The following CALN1 variants were observed in gnomAD, a reference collection of about 807,000 sequenced individuals.
CALN1 encodes calcium-binding protein 8.
CALN1 carries 17 observed loss-of-function variants against 30.6 expected under a neutral mutation model. The ratio of observed to expected loss-of-function variants is 0.56; its 90% confidence interval spans 0.38 to 0.83. The LOEUF (loss-of-function observed/expected upper bound fraction) is 0.83, where lower values mean the gene tolerates loss of function less well. Ranked by LOEUF, CALN1 falls within the 40% of genes least tolerant of loss-of-function variation. CALN1 has a pLI of 0.00. For synonymous variants in CALN1, 156 were observed against 131.4 expected, an observed-to-expected ratio of 1.19 and a Z score of -1.28; for missense variants, 291 against 354.9, an observed-to-expected ratio of 0.82 and a Z score of 1.45.
At chr7:71,814,341 G>A (rs1788137426) in intron 5 of CALN1, among the ~76,000 whole-genome samples, 1 of 152,064 alleles carries the variant, frequency 6.6e-6, no homozygotes, top group South Asian at 2.1e-4. Flanking sequence ...TAGTTTTTAT[G>A]TTTCCATACC....
intron 6 of CALN1, among the ~76,000 whole-genome samples, chr7:71,794,744 C>A (rs973125294): frequency 6.6e-6 from 1 of 152,232 alleles, no homozygotes; most frequent in East Asian, 1.9e-4. Flanking sequence ...CAGCACGAGG[C>A]TGAGACTAAC....
chr7:72,261,322 A>G (rs1562808158), intron 3 of CALN1, among the ~76,000 whole-genome samples: 1 of 152,074 alleles, frequency 6.6e-6, no homozygotes, highest in Non-Finnish European at 1.5e-5. Context: ...AAACAAAAAC[A>G]AGAACAAAAA....
At chr7:71,844,623 A>G (rs1386786242) in intron 5 of CALN1, among the ~76,000 whole-genome samples, 2 of 152,196 alleles carry the variant, frequency 1.3e-5, no homozygotes, top group African/African-American at 2.4e-5. Context: ...ATGGAAAGGA[A>G]TTAATATTAA....
At chr7:72,367,574 A>G (rs1803948846) in intron 2 of CALN1, among the ~76,000 whole-genome samples, 1 of 151,102 alleles carries the variant, frequency 6.6e-6, no homozygotes, top group South Asian at 2.1e-4. Context: ...ACAGAAGCCT[A>G]TGATTGCACT....
At chr7:72,340,373 G>A (rs1012117568) in intron 2 of CALN1, among the ~76,000 whole-genome samples, 10 of 151,816 alleles carry the variant, frequency 6.6e-5, no homozygotes, top group Admixed American at 2.6e-4. Context: ...GCCCATGTGG[G>A]CCTCTGCTCC....
upstream of CALN1, among the ~76,000 whole-genome samples, chr7:72,412,954 C>T (rs1807272496): frequency 6.6e-6 from 1 of 152,194 alleles, no homozygotes; most frequent in Non-Finnish European, 1.5e-5. Context: ...GGCAGCTGGT[C>T]TAGCTCCGAG....
chr7:72,424,769 T>C (rs1426214115), intron 1 of CALN1, among the ~76,000 whole-genome samples: 2 of 152,048 alleles, frequency 1.3e-5, no homozygotes, highest in Non-Finnish European at 2.9e-5. Flanking sequence ...TATAATTTTT[T>C]TATTTTTTGT....
intron 5 of CALN1, among the ~76,000 whole-genome samples, chr7:71,985,035 C>A: frequency 6.6e-6 from 1 of 152,056 alleles, no homozygotes; most frequent in South Asian, 2.1e-4. Flanking sequence ...CTTGCTACTG[C>A]CCAGGAGCAC....
At chr7:71,798,467 C>T (rs1229896739) in intron 6 of CALN1, among the ~76,000 whole-genome samples, 1 of 151,970 alleles carries the variant, frequency 6.6e-6, no homozygotes, top group East Asian at 1.9e-4. Context: ...CCATGCTTGG[C>T]TAATTTTTTA....
chr7:72,331,993 C>A (rs1043616299), intron 2 of CALN1, among the ~76,000 whole-genome samples: 1 of 152,166 alleles, frequency 6.6e-6, no homozygotes, highest in Non-Finnish European at 1.5e-5. Flanking sequence ...GGATAATGGC[C>A]TCCAGCTCCA....
the CALN1 span, among the ~76,000 whole-genome samples, chr7:72,491,270 C>T: frequency 1.3e-5 from 2 of 150,962 alleles, no homozygotes; most frequent in South Asian, 2.1e-4. Flanking sequence ...CAAAATGATG[C>T]TCAAAAATTG....
At chr7:72,085,455 C>T (rs184668595) in intron 4 of CALN1, among the ~76,000 whole-genome samples, 4 of 151,846 alleles carry the variant, frequency 2.6e-5, no homozygotes, top group Non-Finnish European at 4.4e-5. Flanking sequence ...TCTCTTACTG[C>T]ACCTGATCTA....
chr7:72,439,015 T>A (rs1216397208), intron 1 of CALN1, among the ~76,000 whole-genome samples: 1 of 152,170 alleles, frequency 6.6e-6, no homozygotes, highest in African/African-American at 2.4e-5. Flanking sequence ...CCCTACCCCA[T>A]GCAGTTGAAA....
At chr7:72,185,733 T>C (rs866435072) in intron 3 of CALN1, among the ~76,000 whole-genome samples, 7 of 152,166 alleles carry the variant, frequency 4.6e-5, no homozygotes, top group Admixed American at 2.0e-4. Flanking sequence ...GCTGTTCTTG[T>C]GGTAGTGAAT....
chr7:72,164,920 C>G (rs1788413003), intron 3 of CALN1, among the ~76,000 whole-genome samples: 1 of 150,212 alleles, frequency 6.7e-6, no homozygotes, highest in African/African-American at 2.5e-5. Context: ...ACCTCAGACT[C>G]CCGGCCTCAA....
chr7:71,893,720 G>C (rs1280193106), intron 5 of CALN1, among the ~76,000 whole-genome samples: 2 of 151,646 alleles, frequency 1.3e-5, no homozygotes, highest in African/African-American at 4.8e-5. Flanking sequence ...AAAGAATAAG[G>C]TGCTTCTGCA....
intron 3 of CALN1, among the ~76,000 whole-genome samples, chr7:72,111,952 T>A (rs1273731332): frequency 6.6e-6 from 1 of 152,126 alleles, no homozygotes; most frequent in Non-Finnish European, 1.5e-5. Flanking sequence ...TGTTTCACTA[T>A]GTCAGCCAGG....
In CALN1 at chr7:71,971,231, C is replaced by T. The variant is rs370996589; in HGVS notation, c.501+52426G>A. Among the ~76,000 whole-genome samples the T allele has an allele frequency of 1.1e-4, 16 of 152,216 alleles. No individual in the cohort carries two copies. In the East Asian group the frequency reaches 1.7e-3, roughly 17 times the overall value. On this transcript the variant is annotated intron_variant, in intron 5 of 6. Transcript: ENST00000395275. ...TGGGAGGCCAAGGCGGGCAAATCAC[C>T]TGACGTCAGGAGTTCAAGACCAGCC...
chr7:72,026,380 G>C (rs1022256472), intron 4 of CALN1, among the ~76,000 whole-genome samples: 6 of 152,110 alleles, frequency 3.9e-5, no homozygotes, highest in Non-Finnish European at 8.8e-5. Flanking sequence ...GAGGTCAGGA[G>C]TTCGAGACCA....
Sources: gnomAD v4.1 joint callset for allele counts (sites outside exome capture counted in the v4.1 genomes callset) on GRCh38, gnomAD v4.1.1 for gene constraint, MANE v1.5 for transcripts, NCBI Gene and HGNC (gene_info 2026-07-23, HGNC 2026-07-21) for gene names.